CPNE4: variants seen among roughly 807,000 people sequenced by gnomAD.
The protein encoded by CPNE4 is copine-4.
In CPNE4, 25 loss-of-function variants were observed where a neutral mutation model predicts 67.9. The observed-to-expected ratio is 0.37, with a 90% CI of 0.27 to 0.51. CPNE4 has a LOEUF of 0.51. CPNE4 is among the 20% of genes least tolerant of loss of function. The pLI is 0.93. For missense variants in CPNE4, 464 were observed against 690.8 expected (o/e 0.67, Z 3.68); for synonymous variants, 242 against 244.9 (o/e 0.99, Z 0.11).
intron 2 of CPNE4, among the ~76,000 whole-genome samples, chr3:131,833,503 T>G (rs1319654594): frequency 6.6e-6 from 1 of 152,062 alleles, no homozygotes; most frequent in Non-Finnish European, 1.5e-5. Context: ...AGACAAGCCT[T>G]GGCAGCACAG....
At chr3:131,781,047 T>A (rs1331929206) in intron 2 of CPNE4, among the ~76,000 whole-genome samples, 1 of 152,034 alleles carries the variant, frequency 6.6e-6, no homozygotes, top group East Asian at 1.9e-4. Flanking sequence ...CTCCTCAAAG[T>A]TCCATGAATG....
intron 8 of CPNE4, among the ~76,000 whole-genome samples, chr3:131,586,738 G>A (rs868327499): frequency 0.03 from 4,248 of 142,686 alleles, 181 homozygotes; most frequent in African/African-American, 0.11. Flanking sequence ...CTGTCTGTCT[G>A]TCTGTCTGTC....
intron 12 of CPNE4, 129 bp downstream of exon 12, chr3:131,555,368 A>G: frequency 2.8e-6 from 2 of 706,946 alleles, no homozygotes; most frequent in East Asian, 2.7e-5. Flanking sequence ...TCTGAAGACA[A>G]TTTCTGACTC....
intron 2 of CPNE4, among the ~76,000 whole-genome samples, chr3:131,900,187 G>A (rs1397823033): frequency 6.6e-6 from 1 of 152,048 alleles, no homozygotes. Context: ...TGAAAGATAT[G>A]AATAGATACT....
chr3:131,680,102 G>A (rs922242541), intron 6 of CPNE4, among the ~76,000 whole-genome samples: 1 of 152,046 alleles, frequency 6.6e-6, no homozygotes, highest in African/African-American at 2.4e-5. Context: ...TATGAATCAG[G>A]GTGCTCCTAT....
chr3:131,808,151 C>T (rs912965536), intron 2 of CPNE4, among the ~76,000 whole-genome samples: 4 of 152,166 alleles, frequency 2.6e-5, no homozygotes, highest in Non-Finnish European at 5.9e-5. Context: ...AAGGACTCTA[C>T]CCCAGAGTCT....
Position 131,564,365 on chromosome 3 carries a change from A to C in CPNE4, c.928-16T>G. The C allele has an allele frequency of 6.2e-7, 1 of 1,605,890 alleles. No homozygotes were observed. Among genetic ancestry groups the C allele is most frequent in the Non-Finnish European group, 8.5e-7 (1 of 1,176,652 alleles). ...CTATAGCTACCTAAAAGAGAAAAATACAAGAAAAGGTAAATTTAAAGTGGA... is the reference window on the plus strand; with the variant it reads ...CTATAGCTACCTAAAAGAGAAAAATCCAAGAAAAGGTAAATTTAAAGTGGA... On this transcript the variant is annotated splice_polypyrimidine_tract_variant and intron_variant, in intron 10 of 15. Coordinates refer to ENST00000429747, the MANE Select transcript of CPNE4 (RefSeq NM_130808.3).
chr3:131,944,134 T>A (rs1368669357), intron 1 of CPNE4, among the ~76,000 whole-genome samples: 1 of 152,032 alleles, frequency 6.6e-6, no homozygotes, highest in Middle Eastern at 3.2e-3. Context: ...TTGAACTAAA[T>A]CCCATGTCTA....
intron 1 of CPNE4, among the ~76,000 whole-genome samples, chr3:131,984,170 T>C (rs1341452009): frequency 2.0e-5 from 3 of 152,116 alleles, no homozygotes; most frequent in Non-Finnish European, 4.4e-5. Flanking sequence ...TTTACTCCTT[T>C]AAGAGGCCAC....
chr3:131,700,054 C>CATTTTTTTTTTTTTT (rs2081256064), intron 3 of CPNE4, 74 bp from the exon 4 acceptor site: 1 of 236,166 alleles, frequency 4.2e-6, no homozygotes, highest in African/African-American at 3.4e-5. Flanking sequence ...TTTTTTAAAC[C>CATTTTTTTTTTTTTT]TTTTTTTTTT....
At chr3:131,646,108 G>T (rs2079656910) in intron 7 of CPNE4, among the ~76,000 whole-genome samples, 1 of 152,034 alleles carries the variant, frequency 6.6e-6, no homozygotes, top group Admixed American at 6.5e-5. Flanking sequence ...CAAACAGAAG[G>T]AAAATAATAG....
chr3:131,563,100 A>G (rs1936869304), intron 11 of CPNE4, among the ~76,000 whole-genome samples: 2 of 151,992 alleles, frequency 1.3e-5, no homozygotes, highest in African/African-American at 4.8e-5. Flanking sequence ...TTCCCTGTAC[A>G]TTCTAGTCCT....
chr3:131,822,568 G>T (rs2084998833), intron 2 of CPNE4, among the ~76,000 whole-genome samples: 1 of 152,090 alleles, frequency 6.6e-6, no homozygotes, highest in South Asian at 2.1e-4. Flanking sequence ...TGTCTGCTTT[G>T]GAAAGTTGTC....
chr3:131,814,421 C>G (rs2084650102), intron 2 of CPNE4, among the ~76,000 whole-genome samples: 1 of 151,938 alleles, frequency 6.6e-6, no homozygotes, highest in South Asian at 2.1e-4. Flanking sequence ...AGTCACAAGC[C>G]CCTGCCAATC....
At chr3:131,926,929 G>A (rs562331418) in intron 1 of CPNE4, among the ~76,000 whole-genome samples, 8 of 152,202 alleles carry the variant, frequency 5.3e-5, no homozygotes, top group African/African-American at 1.9e-4. Flanking sequence ...CTGAGGATGG[G>A]GTAATAAGAG....
chr3:132,025,142 T>C (rs974977990), intron 1 of CPNE4, among the ~76,000 whole-genome samples: 3 of 152,214 alleles, frequency 2.0e-5, no homozygotes, highest in Non-Finnish European at 1.5e-5. Flanking sequence ...GGCTTGAAGA[T>C]AATATTTTAT....
chr3:131,998,816 C>T (rs9840871), intron 1 of CPNE4, among the ~76,000 whole-genome samples: 13,707 of 152,100 alleles, frequency 0.09, 722 homozygotes, highest in Non-Finnish European at 0.12. Flanking sequence ...ACATATTATG[C>T]TATTTTTCAC....
chr3:131,739,514 A>G (rs9876897), intron 2 of CPNE4, among the ~76,000 whole-genome samples: 46,768 of 152,070 alleles, frequency 0.31, 7,479 homozygotes, highest in Admixed American at 0.34. Context: ...CTGTGTCTGC[A>G]TGTCTTACCA....
intron 2 of CPNE4, among the ~76,000 whole-genome samples, chr3:131,796,197 C>T (rs2083913464): frequency 6.6e-6 from 1 of 151,932 alleles, no homozygotes; most frequent in South Asian, 2.1e-4. Context: ...TCTTCCATCA[C>T]AGCTGTCCAA....
Sources: allele counts gnomAD v4.1 joint callset (sites outside exome capture counted in the v4.1 genomes callset), GRCh38; gene constraint gnomAD v4.1.1; transcripts MANE v1.5; gene names NCBI Gene and HGNC (gene_info 2026-07-23, HGNC 2026-07-21).